PCBP3: variants seen among roughly 807,000 people sequenced by gnomAD.
PCBP3 encodes the protein poly(rC) binding protein 3, also known as poly(rC)-binding protein 3.
A neutral mutation model predicts 52.7 loss-of-function variants in PCBP3; 25 were observed. The ratio of observed to expected loss-of-function variants is 0.47; its 90% CI spans 0.35 to 0.66. The LOEUF (loss-of-function observed/expected upper bound fraction) is 0.66. PCBP3 is among the 30% of genes least tolerant of loss of function. The pLI, the probability that PCBP3 is intolerant of heterozygous loss-of-function variation, is 0.01. For missense variants in PCBP3, 391 were observed against 490.3 expected, an observed-to-expected ratio of 0.80 and a Z score of 1.91; for synonymous variants, 162 against 183.0, an observed-to-expected ratio of 0.89 and a Z score of 0.93.
At chr21:45,671,238 C>G (rs2081153850) in intron 2 of PCBP3, among the ~76,000 whole-genome samples, 2 of 152,150 alleles carry the variant, frequency 1.3e-5, no homozygotes, top group South Asian at 2.1e-4. Context: ...CTTGGCACAC[C>G]CTTCTTTCAC....
intron 4 of PCBP3, among the ~76,000 whole-genome samples, chr21:45,825,182 T>A (rs1039317058): frequency 6.6e-6 from 1 of 152,182 alleles, no homozygotes; most frequent in Non-Finnish European, 1.5e-5. Flanking sequence ...TGCTGTGGTC[T>A]TGGTGGTTCA....
At chr21:45,839,760 C>T (rs1433978141) in intron 4 of PCBP3, among the ~76,000 whole-genome samples, 3 of 152,156 alleles carry the variant, frequency 2.0e-5, no homozygotes, top group African/African-American at 7.2e-5. Flanking sequence ...GAACTCGGCT[C>T]ACTGCAGCCT....
rs142941200 is a variant in PCBP3, at chr21:45,682,254, C to G, written c.-200+13302C>G. Among the ~76,000 whole-genome samples, 316 of 152,290 alleles carry G rather than the reference C, an allele frequency of 2.1e-3. 2 individuals are homozygous for G. Among genetic ancestry groups the G allele is most frequent in the African/African-American group, 7.0e-3 (292 of 41,558 alleles). On this transcript the variant is annotated intron_variant, in intron 2 of 17. Transcript: ENST00000681687. ...GTACTATGAACACCCAGGGAATTCA[C>G]TATCATGTCATTCCTTGGGTCGCAC... is the stretch of plus-strand genomic sequence containing the variant.
intron 1 of PCBP3, among the ~76,000 whole-genome samples, chr21:45,649,600 CTGG>C (rs2079548248): frequency 6.6e-6 from 1 of 152,170 alleles, no homozygotes; most frequent in Non-Finnish European, 1.5e-5. Flanking sequence ...GGATCAGTTT[CTGG>C]TTGCTTCATG....
At chr21:45,644,034 C>T (rs1050786141) in intron 1 of PCBP3, among the ~76,000 whole-genome samples, 166 bp downstream of exon 1, 1 of 149,646 alleles carries the variant, frequency 6.7e-6, no homozygotes, top group African/African-American at 2.4e-5. Context: ...CCCCGACCGC[C>T]GCCGGCGCCT....
rs957979768 is a variant in PCBP3 at position 45,802,536 on chromosome 21, G to C, written c.-126+47084G>C. Among the ~76,000 whole-genome samples, 7 of 152,236 alleles carry C rather than the reference G, an allele frequency of 4.6e-5. No individual in the cohort carries two copies. The highest frequency in any genetic ancestry group is 7.3e-5 in the Non-Finnish European group (5 of 68,046). On this transcript the variant is annotated intron_variant, in intron 4 of 17. Transcript: ENST00000681687. This position sits in a 1 kb window ranked among gnomAD's most constrained non-coding sequence, Gnocchi z 5.1. ...GAGACGGCTCTGAGAGCAAAAGTGA[G>C]CCATGCTGGAGAAGGGACAGGAGCC...
Position 45,724,541 on chromosome 21 carries a change from A to T in PCBP3, c.-199-10851A>T, listed in dbSNP as rs1281366184. Among the ~76,000 whole-genome samples, 3 of 152,304 alleles carry T rather than the reference A, an allele frequency of 2.0e-5. No homozygotes were observed. The East Asian group carries it at 5.8e-4, about 29-fold the overall frequency. On this transcript the variant is annotated intron_variant, in intron 2 of 17. Coordinates refer to ENST00000681687, the MANE Select transcript of PCBP3 (RefSeq NM_001384156.1). This position sits in a 1 kb window ranked among gnomAD's most constrained non-coding sequence, Gnocchi z 5.3. ...GACAGCTGGGAATCTCGCTGCCTTC[A>T]TGGTGGCGGGCCAGGCTGCTCTGTA...
chr21:45,875,034 C>T (rs2095199242), intron 5 of PCBP3, among the ~76,000 whole-genome samples: 1 of 152,258 alleles, frequency 6.6e-6, no homozygotes, highest in African/African-American at 2.4e-5. Flanking sequence ...CCAAAAGAGC[C>T]TCCTCACAAA....
rs895504317 is a variant in PCBP3, at chr21:45,821,245, C to T, written c.-125-28716C>T. On this transcript the variant is annotated intron_variant, in intron 4 of 17. Coordinates refer to ENST00000681687, the MANE Select transcript of PCBP3 (RefSeq NM_001384156.1). The surrounding 1 kb of genome is among the most constrained non-coding windows in gnomAD (Gnocchi z 4.4). ...GCAGCCTCTCCCTAATCCTGGATTC[C>T]GCAGGGGCTCCAAGACCCTCAGGGT... is the stretch of plus-strand genomic sequence containing the variant. 2.6e-5 allele frequency among the ~76,000 whole-genome samples: 4 copies of T among 152,050 alleles called. No homozygotes were observed. The highest frequency in any genetic ancestry group is 7.2e-5 in the African/African-American group (3 of 41,386).
chr21:45,889,879 A>G (rs1301220323), intron 5 of PCBP3, among the ~76,000 whole-genome samples: 1 of 152,236 alleles, frequency 6.6e-6, no homozygotes, highest in Non-Finnish European at 1.5e-5. Context: ...TAAGGAAAAG[A>G]TACTTATGAA....
At chr21:45,896,600 G>A (rs1412789212) in intron 6 of PCBP3, among the ~76,000 whole-genome samples, 1 of 150,038 alleles carries the variant, frequency 6.7e-6, no homozygotes, top group Non-Finnish European at 1.5e-5. Context: ...AACTGGAGAC[G>A]CACTGCCCGG....
rs961797016 is a variant in PCBP3 at position 45,904,217 on chromosome 21, T to C, written c.339+3104T>C. ...GGCAGAGTCGAGTATCAGGAATTCC[T>C]AAAGGTACAAGCCTTCCAGTCATCA... is the stretch of plus-strand genomic sequence containing the variant. On this transcript the variant is annotated intron_variant, in intron 9 of 17. Coordinates refer to ENST00000681687, the MANE Select transcript of PCBP3 (RefSeq NM_001384156.1). The surrounding 1 kb of genome is among the most constrained non-coding windows in gnomAD (Gnocchi z 4.8). 1.8e-4 allele frequency among the ~76,000 whole-genome samples: 28 copies of C among 152,316 alleles called. No individual in the cohort carries two copies. Among genetic ancestry groups the C allele is most frequent in the African/African-American group, 6.5e-4 (27 of 41,558 alleles).
chr21:45,864,077 C>G (rs556233719), intron 5 of PCBP3, among the ~76,000 whole-genome samples: 1 of 152,144 alleles, frequency 6.6e-6, no homozygotes, highest in African/African-American at 2.4e-5. Context: ...GAAACATAAA[C>G]GTGGCTTTAC....
intron 2 of PCBP3, among the ~76,000 whole-genome samples, chr21:45,712,734 ACT>A (rs2083927162): frequency 6.7e-6 from 1 of 148,990 alleles, no homozygotes; most frequent in Non-Finnish European, 1.5e-5. Context: ...ACAGGGCCTC[ACT>A]CTGTCACCCA....
chr21:45,896,692 C>T lies in PCBP3; in HGVS notation c.165+330C>T, dbSNP rs950670452. 5.9e-5 allele frequency among the ~76,000 whole-genome samples: 8 copies of T among 135,362 alleles called. No homozygotes were observed. The Admixed American group carries it at 6.2e-4, about 10-fold the overall frequency. The allele number at this position is 135,362 out of a possible 152,430, so 88.8% of individuals were successfully genotyped here. A position where few individuals can be genotyped will look rare whatever the true frequency, so the allele number is the denominator to read the frequency against. ...CGGGCCATTGGCACTGTAGGAAAGGCGGCCGCGGCACATAGAACCAGAGAT... is the reference window on the plus strand; with the variant it reads ...CGGGCCATTGGCACTGTAGGAAAGGTGGCCGCGGCACATAGAACCAGAGAT... On this transcript the variant is annotated intron_variant, in intron 6 of 17. Coordinates refer to ENST00000681687, the MANE Select transcript of PCBP3 (RefSeq NM_001384156.1).
intron 4 of PCBP3, among the ~76,000 whole-genome samples, chr21:45,769,289 A>G (rs879435829): frequency 3.3e-5 from 5 of 152,204 alleles, no homozygotes; most frequent in Non-Finnish European, 5.9e-5. Flanking sequence ...ACAGGTTTCT[A>G]CAGTTGAGGG....
chr21:45,700,555 C>T (rs2083056670), intron 2 of PCBP3, among the ~76,000 whole-genome samples: 1 of 152,208 alleles, frequency 6.6e-6, no homozygotes, highest in Admixed American at 6.5e-5. Flanking sequence ...ACAGTTCCTT[C>T]TGCAAGGTGC....
At chr21:45,801,157 C>T (rs1048828762) in intron 4 of PCBP3, among the ~76,000 whole-genome samples, 9 of 152,228 alleles carry the variant, frequency 5.9e-5, no homozygotes, top group African/African-American at 1.7e-4. Flanking sequence ...ACTGCCACTG[C>T]GTCCTGTGGG....
At chr21:45,816,293 T>A (rs1476126175) in intron 4 of PCBP3, among the ~76,000 whole-genome samples, 1 of 152,154 alleles carries the variant, frequency 6.6e-6, no homozygotes, top group Non-Finnish European at 1.5e-5. Context: ...ACTTTTTTGC[T>A]TTATAAACCT....
Sources: gnomAD v4.1 joint callset for allele counts (sites outside exome capture counted in the v4.1 genomes callset) on GRCh38, gnomAD v4.1.1 for gene constraint, Gnocchi (gnomAD v3.1) non-coding constraint, MANE v1.5 for transcripts, NCBI Gene and HGNC (gene_info 2026-07-23, HGNC 2026-07-21) for gene names.